The following CEP78 variants were observed in gnomAD, a reference collection of about 807,000 sequenced individuals.
CEP78 encodes the protein centrosomal protein 78.
In CEP78, 76 loss-of-function variants were observed where a neutral mutation model predicts 81.2. The ratio of observed to expected loss-of-function variants is 0.94; its 90% CI spans 0.78 to 1.13. The LOEUF (loss-of-function observed/expected upper bound fraction) is 1.13, where lower values mean the gene tolerates loss of function less well. Ranked by LOEUF, CEP78 falls within the 50% of genes most tolerant of loss-of-function variation. CEP78 has a pLI of 0.00. For synonymous variants in CEP78, 293 were observed against 301.4 expected, an observed-to-expected ratio of 0.97 and a Z score of 0.29; for missense variants, 918 against 846.8, an observed-to-expected ratio of 1.08 and a Z score of -1.04.
chr9:78,258,487 T>C (rs1563992328), intron 11 of CEP78, among the ~76,000 whole-genome samples: 1 of 152,202 alleles, frequency 6.6e-6, no homozygotes, highest in Non-Finnish European at 1.5e-5. Flanking sequence ...TTTTAAGTAA[T>C]GTATATCACT....
rs578051573 is a variant in CEP78 at position 78,256,375 on chromosome 9, C to T, written c.1380+1411C>T. On this transcript the variant is annotated intron_variant, in intron 11 of 16. Transcript: ENST00000643273. ...AATGAGATCATTTGGCTTTGAAAAA[C>T]AGTAAAGTAACTGGGGAGAACTAGG... 1.8e-4 allele frequency among the ~76,000 whole-genome samples: 27 copies of T among 152,290 alleles called. No homozygotes were observed. The South Asian group carries it at 5.6e-3, about 32-fold the overall frequency.
chr9:78,270,750 G>T, intron 16 of CEP78, 91 bp from the exon 17 acceptor site: 1 of 616,116 alleles, frequency 1.6e-6, no homozygotes, highest in South Asian at 2.0e-5. Context: ...CGGCATGATA[G>T]GAGATGATTG....
chr9:78,276,547 A>G lies in CEP78; in HGVS notation c.*5696A>G, dbSNP rs1192711923. The G allele has an allele frequency of 1.3e-5, 2 of 151,946 alleles. No homozygotes were observed. The highest frequency in any genetic ancestry group is 2.4e-5 in the African/African-American group (1 of 41,392). The allele number at this position is 151,946 out of a possible 1,614,324, so 9.4% of individuals were successfully genotyped here. A position where few individuals can be genotyped will look rare whatever the true frequency, so the allele number is the denominator to read the frequency against. On this transcript the variant is annotated 3_prime_UTR_variant, in exon 17 of 17. Coordinates refer to ENST00000643273, the MANE Select transcript of CEP78 (RefSeq NM_001330691.3). ...AAACCCCCTGTGATGATCTACTGGC[A>G]TGCTATTACAGCTAATAAAGCTGAA...
chr9:78,258,425 A>C (rs1005201039), intron 11 of CEP78, among the ~76,000 whole-genome samples: 1 of 152,220 alleles, frequency 6.6e-6, no homozygotes, highest in Non-Finnish European at 1.5e-5. Flanking sequence ...ACATGTCCCT[A>C]TTTTACAAAG....
At chr9:78,261,123 A>G (rs940569359) in intron 11 of CEP78, among the ~76,000 whole-genome samples, 1 of 151,832 alleles carries the variant, frequency 6.6e-6, no homozygotes, top group Admixed American at 6.6e-5. Flanking sequence ...GCTAATTTTT[A>G]TATTTTTAGT....
chr9:78,236,333 CG>C lies in CEP78; in HGVS notation c.-17del. ...CGGCGTCTCCGCGGCGGGCATCCCCCGAGGCCGCCCTCGGGCCATGATCGAC... is the reference window on the plus strand; with the variant it reads ...CGGCGTCTCCGCGGCGGGCATCCCCCAGGCCGCCCTCGGGCCATGATCGAC... On this transcript the variant is annotated 5_prime_UTR_variant, in exon 1 of 17. Coordinates refer to ENST00000643273, the MANE Select transcript of CEP78 (RefSeq NM_001330691.3). 6.5e-7 allele frequency: 1 copy of C among 1,550,364 alleles called. No homozygotes were observed. The highest frequency in any genetic ancestry group is 8.7e-7 in the Non-Finnish European group (1 of 1,153,690).
chr9:78,254,806 T>G, intron 10 of CEP78, 30 bp from the exon 11 acceptor site: 2 of 1,574,274 alleles, frequency 1.3e-6, no homozygotes, highest in Non-Finnish European at 1.7e-6. Context: ...CGGTTTATAT[T>G]ATTATACAAT....
intron 11 of CEP78, 40 bp from the exon 12 acceptor site, chr9:78,262,867 G>A (rs1325266613): frequency 5.7e-6 from 7 of 1,237,298 alleles, no homozygotes; most frequent in Non-Finnish European, 7.9e-6. Context: ...GGATCATATT[G>A]GGAATTAATT....
chr9:78,260,150 A>G (rs1019009673), intron 11 of CEP78, among the ~76,000 whole-genome samples: 4 of 152,270 alleles, frequency 2.6e-5, no homozygotes, highest in African/African-American at 9.6e-5. Flanking sequence ...CAGTAGCAGT[A>G]TAAAATCTTA....
At chr9:78,254,079 G>A (rs1826894534) in intron 10 of CEP78, 1 of 152,094 alleles carries the variant, frequency 6.6e-6, no homozygotes, top group Non-Finnish European at 1.5e-5. Context: ...TGAAATATTT[G>A]GAAACGTATT....
Position 78,244,674 on chromosome 9 carries a change from A to G in CEP78, c.778+1038A>G, listed in dbSNP as rs116147755. On this transcript the variant is annotated intron_variant, in intron 5 of 16. Coordinates refer to ENST00000643273, the MANE Select transcript of CEP78 (RefSeq NM_001330691.3). ...TTTTACAGCTTTTTTCACTCAGTCT[A>G]GCATATCTTAAATCAGTAAGTTTAC... 4.4e-3 allele frequency among the ~76,000 whole-genome samples: 675 copies of G among 152,246 alleles called. 6 individuals are homozygous for G. Among genetic ancestry groups the G allele is most frequent in the African/African-American group, 0.016 (647 of 41,544 alleles).
chr9:78,253,942 G>C (rs1011220663), intron 10 of CEP78: 2 of 152,208 alleles, frequency 1.3e-5, no homozygotes, highest in Non-Finnish European at 2.9e-5. Context: ...AGGATTTTCA[G>C]GTACTGCAGG....
chr9:78,245,626 T>C (rs1587564018), intron 5 of CEP78, among the ~76,000 whole-genome samples: 1 of 152,232 alleles, frequency 6.6e-6, no homozygotes, highest in East Asian at 1.9e-4. Context: ...TGCTCTGATG[T>C]AATCTTTTTT....
In CEP78 at chr9:78,275,753, C is replaced by G. The variant is rs551884106; in HGVS notation, c.*4902C>G. ...GAGACCAGCCTGGGCAAGACCTCAT[C>G]TCTACAAAAATTAAAAAACAAAACA... is the stretch of plus-strand genomic sequence containing the variant. On this transcript the variant is annotated 3_prime_UTR_variant, in exon 17 of 17. Transcript: ENST00000643273. 9.8e-5 allele frequency: 15 copies of G among 152,402 alleles called. No individual in the cohort carries two copies. Among genetic ancestry groups the G allele is most frequent in the Admixed American group, 8.5e-4 (13 of 15,260 alleles). The allele number at this position is 152,402 out of a possible 1,614,324, so 9.4% of individuals were successfully genotyped here.
In CEP78 at chr9:78,246,705, G is replaced by C. The variant is rs1168190153; in HGVS notation, c.815G>C (p.Gly272Ala). 2 of 1,610,760 alleles carry C rather than the reference G, an allele frequency of 1.2e-6. No individual in the cohort carries two copies. The highest frequency in any genetic ancestry group is 1.3e-5 in the African/African-American group (1 of 74,672). ...CAACAGTGCGGCCTCACCAATGAAG[G>C]AGCAAAGGCTTTGCTAGAGGCCCTT... ...DLQQCGLTNE[G>A]AKALLEALET... The change falls in exon 6 of 17, where the codon GGA (glycine) becomes GCA (alanine). Residue 272 changes from glycine to alanine, a missense_variant. By Grantham distance (60) the Gly-to-Ala change is moderately conservative (BLOSUM62 0). Transcript: ENST00000643273.
chr9:78,267,916 C>G (rs993604203), intron 16 of CEP78, among the ~76,000 whole-genome samples: 3 of 152,006 alleles, frequency 2.0e-5, no homozygotes, highest in Non-Finnish European at 4.4e-5. Context: ...TCTGGATGGT[C>G]TTGCCTGATT....
At chr9:78,267,201 A>C in intron 16 of CEP78, 1 of 459,784 alleles carries the variant, frequency 2.2e-6, no homozygotes, top group Non-Finnish European at 4.0e-6. Flanking sequence ...GCAATTGTTT[A>C]CTGAGGGGCT....
In CEP78 at chr9:78,262,979, AG is replaced by A. The variant is rs769767723; in HGVS notation, c.1454del (p.Ser485MetfsTer10). The A allele has an allele frequency of 3.3e-6, 5 of 1,535,468 alleles. No homozygotes were observed. The African/African-American group carries it at 6.9e-5, about 21-fold the overall frequency. ...VIRLKVDKRV[S>X]ELEHENAQLR... ...AAGGCTTAAGGTTGATAAACGAGTCAGTGAGGTAAATAAAAGTTTTCTTACC... is the reference window on the plus strand; with the variant it reads ...AAGGCTTAAGGTTGATAAACGAGTCATGAGGTAAATAAAAGTTTTCTTACC... On this transcript the variant is annotated frameshift_variant, in exon 12 of 17. Coordinates refer to ENST00000643273, the MANE Select transcript of CEP78 (RefSeq NM_001330691.3). LOFTEE classifies it high-confidence loss of function.
intron 12 of CEP78, 197 bp from the exon 13 acceptor site, chr9:78,263,953 A>T (rs1316947621): frequency 3.0e-6 from 1 of 334,988 alleles, no homozygotes; most frequent in Non-Finnish European, 5.3e-6. Context: ...AATACTATTT[A>T]TATTATTTAT....
Sources: gnomAD v4.1 joint callset for allele counts (sites outside exome capture counted in the v4.1 genomes callset) on GRCh38, gnomAD v4.1.1 for gene constraint, MANE v1.5 for transcripts, NCBI Gene and HGNC (gene_info 2026-07-23, HGNC 2026-07-21) for gene names.